SNAP23: variants seen among roughly 807,000 people sequenced by gnomAD.
SNAP23 encodes the protein synaptosome associated protein 23, also known as synaptosomal-associated protein 23.
SNAP23 carries 11 observed loss-of-function variants against 29.0 expected under a neutral mutation model. The observed-to-expected ratio is 0.38, with a 90% confidence interval of 0.24 to 0.63. SNAP23 has a LOEUF of 0.63. Ranked by LOEUF, SNAP23 falls within the 20% of genes least tolerant of loss-of-function variation. SNAP23 has a pLI of 0.58. For missense variants in SNAP23, 220 were observed against 253.9 expected, an observed-to-expected ratio of 0.87 and a Z score of 0.91; for synonymous variants, 60 against 82.9, an observed-to-expected ratio of 0.72 and a Z score of 1.50.
Position 42,532,729 on chromosome 15 carries a change from T to A in SNAP23, c.*1251T>A, listed in dbSNP as rs1307918386. 1 of 152,682 alleles carries A rather than the reference T, an allele frequency of 6.5e-6. No homozygotes were observed. The highest frequency in any genetic ancestry group is 1.5e-5 in the Non-Finnish European group (1 of 68,034). 9.5% of individuals were successfully genotyped at this position (152,682 alleles called of 1,614,324 possible). A position where few individuals can be genotyped will look rare whatever the true frequency, so the allele number is the denominator to read the frequency against. Reference sequence around the variant, plus strand: ...GTTTAGTTAGGAAAAAGGAAAGTCATTTTGACCTCAGGTAGAAAAATAGAT... The same window carrying A: ...GTTTAGTTAGGAAAAAGGAAAGTCAATTTGACCTCAGGTAGAAAAATAGAT... On this transcript the variant is annotated 3_prime_UTR_variant, in exon 8 of 8. Transcript: ENST00000249647.
intron 1 of SNAP23, among the ~76,000 whole-genome samples, chr15:42,497,054 T>C (rs979656886): frequency 6.6e-6 from 1 of 151,140 alleles, no homozygotes; most frequent in Admixed American, 6.6e-5. Flanking sequence ...TTTTTTTTTT[T>C]TTTTGAGATG....
chr15:42,491,205 T>C (rs2057158398), upstream of SNAP23: 1 of 152,396 alleles, frequency 6.6e-6, no homozygotes, highest in African/African-American at 2.4e-5. Context: ...TAGCTTTATT[T>C]GAACACAAGA....
intron 5 of SNAP23, 120 bp from the exon 6 acceptor site, chr15:42,528,140 TAG>T: frequency 2.4e-5 from 16 of 678,298 alleles, no homozygotes; most frequent in South Asian, 1.2e-4. Flanking sequence ...CATCTAGACT[TAG>T]CTGTATGCAG....
At chr15:42,496,328 G>A (rs185701460) in intron 1 of SNAP23, among the ~76,000 whole-genome samples, 428 of 151,674 alleles carry the variant, frequency 2.8e-3, no homozygotes, top group African/African-American at 9.8e-3. Context: ...AGTGGGAGAG[G>A]AAAAAAAAGT....
At chr15:42,524,981 C>A (rs576503115) in intron 5 of SNAP23, among the ~76,000 whole-genome samples, 4 of 152,086 alleles carry the variant, frequency 2.6e-5, no homozygotes, top group Non-Finnish European at 5.9e-5. Context: ...TTCATAAACA[C>A]GCAGAACATA....
chr15:42,504,252 G>T (rs767480101), intron 1 of SNAP23, among the ~76,000 whole-genome samples: 1 of 152,060 alleles, frequency 6.6e-6, no homozygotes, highest in African/African-American at 2.4e-5. Flanking sequence ...TGGGGAAGGA[G>T]AATCACTTGA....
At chr15:42,494,640 C>T (rs2141490587), upstream of SNAP23, among the ~76,000 whole-genome samples, 1 of 151,886 alleles carries the variant, frequency 6.6e-6, no homozygotes, top group East Asian at 1.9e-4. Flanking sequence ...CTCAGCCTCC[C>T]GACTAGCTGG....
intron 1 of SNAP23, among the ~76,000 whole-genome samples, chr15:42,511,508 TAATA>T (rs1179380825): frequency 6.6e-6 from 1 of 152,198 alleles, no homozygotes; most frequent in African/African-American, 2.4e-5. Flanking sequence ...AAATTCACTT[TAATA>T]GTCTTTTAAT....
At chr15:42,527,359 G>A (rs2057513510) in intron 5 of SNAP23, among the ~76,000 whole-genome samples, 1 of 151,876 alleles carries the variant, frequency 6.6e-6, no homozygotes, top group African/African-American at 2.4e-5. Context: ...GAACTACGCT[G>A]GTTCAAATTC....
chr15:42,515,955 A>C (rs1377333704), intron 5 of SNAP23, among the ~76,000 whole-genome samples: 1 of 152,186 alleles, frequency 6.6e-6, no homozygotes, highest in Non-Finnish European at 1.5e-5. Context: ...AGGAACAGTG[A>C]GGGCATTTCC....
At chr15:42,519,919 A>T (rs942438391) in intron 5 of SNAP23, among the ~76,000 whole-genome samples, 1 of 152,116 alleles carries the variant, frequency 6.6e-6, no homozygotes, top group African/African-American at 2.4e-5. Flanking sequence ...TATTCTGAAC[A>T]TGTTAATTTA....
At chr15:42,495,287 G>T (rs2057207024), upstream of SNAP23, 1 of 152,172 alleles carries the variant, frequency 6.6e-6, no homozygotes, top group Admixed American at 6.5e-5. Flanking sequence ...TATGTGCTAT[G>T]CACTGTATTC....
intron 4 of SNAP23, 68 bp downstream of exon 4, chr15:42,513,515 A>C: frequency 1.5e-6 from 2 of 1,309,484 alleles, no homozygotes; most frequent in South Asian, 2.4e-5. Context: ...CAAATTAGCC[A>C]CATACAAATT....
chr15:42,528,138 CTTAGCT>C, intron 5 of SNAP23, 118 bp from the exon 6 acceptor site: 8 of 576,066 alleles, frequency 1.4e-5, no homozygotes, highest in South Asian at 6.1e-5. Flanking sequence ...ATCATCTAGA[CTTAGCT>C]GTATGCAGCT....
upstream of SNAP23, among the ~76,000 whole-genome samples, chr15:42,494,643 C>A (rs1335998023): frequency 6.6e-6 from 1 of 151,526 alleles, no homozygotes; most frequent in Non-Finnish European, 1.5e-5. Context: ...AGCCTCCCGA[C>A]TAGCTGGGAT....
In SNAP23 at chr15:42,529,747, A is replaced by G; in HGVS notation, c.498A>G (p.Leu166=). The change falls in exon 7 of 8, where the codon CTA becomes CTG. Residue 166 remains leucine (L), a synonymous_variant. Coordinates refer to ENST00000249647, the MANE Select transcript of SNAP23 (RefSeq NM_003825.4). ...AAGTGGGCAGTATCCTGGGAAATCT[A>G]AAAGACATGGCCCTGAACATAGGCA... The part of the protein sequence containing the change: ...LTQVGSILGN[L]KDMALNIGNE... 1.9e-6 allele frequency: 3 copies of G among 1,614,152 alleles called. No individual in the cohort carries two copies. Among genetic ancestry groups the G allele is most frequent in the Non-Finnish European group, 2.5e-6 (3 of 1,179,998 alleles).
rs530563798 is a variant in SNAP23, at chr15:42,520,619, C to T, written c.266+5265C>T. ...ACGCCATTCTCCTGCCTCAGCCTCT[C>T]GGGTAGCTGGGACTACAGGCGCCCG... On this transcript the variant is annotated intron_variant, in intron 5 of 7. Coordinates refer to ENST00000249647, the MANE Select transcript of SNAP23 (RefSeq NM_003825.4). Among the ~76,000 whole-genome samples the T allele has an allele frequency of 3.7e-3, 567 of 152,196 alleles. 5 individuals carry two copies. Among genetic ancestry groups the T allele is most frequent in the African/African-American group, 0.013 (544 of 41,550 alleles).
intron 1 of SNAP23, among the ~76,000 whole-genome samples, chr15:42,503,951 T>C (rs1330460728): frequency 2.0e-5 from 3 of 152,058 alleles, no homozygotes; most frequent in Non-Finnish European, 4.4e-5. Context: ...GGCCTATATA[T>C]AAAAATGGTT....
intron 5 of SNAP23, among the ~76,000 whole-genome samples, chr15:42,522,267 T>C (rs2057455305): frequency 6.6e-6 from 1 of 152,204 alleles, no homozygotes; most frequent in Non-Finnish European, 1.5e-5. Flanking sequence ...CCATATCTGG[T>C]ATCTTCTTTC....
Sources: allele counts gnomAD v4.1 joint callset (sites outside exome capture counted in the v4.1 genomes callset), GRCh38; gene constraint gnomAD v4.1.1; transcripts MANE v1.5; gene names NCBI Gene and HGNC (gene_info 2026-07-23, HGNC 2026-07-21).